MACROD2: variants seen among roughly 807,000 people sequenced by gnomAD.
The protein encoded by MACROD2 is mono-ADP ribosylhydrolase 2, also known as ADP-ribose glycohydrolase MACROD2.
In MACROD2, 36 loss-of-function variants were observed where a neutral mutation model predicts 70.4. The observed-to-expected ratio is 0.51, with a 90% confidence interval of 0.39 to 0.68. The LOEUF (loss-of-function observed/expected upper bound fraction) is 0.68, where lower values mean the gene tolerates loss of function less well. Ranked by LOEUF, MACROD2 falls within the 30% of genes least tolerant of loss-of-function variation. MACROD2 has a pLI of 0.00. For synonymous variants in MACROD2, 172 were observed against 178.8 expected, an observed-to-expected ratio of 0.96 and a Z score of 0.30; for missense variants, 496 against 538.4, an observed-to-expected ratio of 0.92 and a Z score of 0.78.
intron 8 of MACROD2, among the ~76,000 whole-genome samples, chr20:15,622,526 G>C (rs2049142498): frequency 6.6e-6 from 1 of 152,078 alleles, no homozygotes; most frequent in South Asian, 2.1e-4. Flanking sequence ...TGACTAACAG[G>C]GCTGGTAGCG....
At chr20:15,870,616 C>T (rs996666171) in intron 9 of MACROD2, among the ~76,000 whole-genome samples, 2 of 152,064 alleles carry the variant, frequency 1.3e-5, no homozygotes, top group Non-Finnish European at 2.9e-5. Flanking sequence ...TGATGTCTTC[C>T]ACCATGTGAT....
intron 8 of MACROD2, among the ~76,000 whole-genome samples, chr20:15,730,428 G>T (rs1247205748): frequency 6.6e-6 from 1 of 152,122 alleles, no homozygotes; most frequent in Non-Finnish European, 1.5e-5. Flanking sequence ...TGTCTGAAAA[G>T]AATCTTACTT....
chr20:15,574,755 G>C (rs774682055), intron 8 of MACROD2, among the ~76,000 whole-genome samples: 1 of 152,150 alleles, frequency 6.6e-6, no homozygotes, highest in Non-Finnish European at 1.5e-5. Flanking sequence ...TCCATTCTCA[G>C]TATGCTTGAA....
chr20:14,915,834 C>T (rs912752125), intron 5 of MACROD2, among the ~76,000 whole-genome samples: 3 of 152,214 alleles, frequency 2.0e-5, no homozygotes, highest in Middle Eastern at 3.4e-3. Flanking sequence ...AAGGTAGCTG[C>T]GAGTCATCAT....
intron 8 of MACROD2, among the ~76,000 whole-genome samples, chr20:15,611,831 G>C (rs2048974483): frequency 6.8e-6 from 1 of 148,042 alleles, no homozygotes; most frequent in African/African-American, 2.5e-5. Flanking sequence ...TGTCTATAAG[G>C]CTCCGAGCAA....
intron 6 of MACROD2, among the ~76,000 whole-genome samples, chr20:15,281,123 C>T (rs1600190924): frequency 6.6e-6 from 1 of 152,186 alleles, no homozygotes; most frequent in Admixed American, 6.5e-5. Flanking sequence ...ATCACAAGAA[C>T]AGTGTGGGGG....
At chr20:15,704,694 A>G (rs1484015900) in intron 8 of MACROD2, among the ~76,000 whole-genome samples, 1 of 152,230 alleles carries the variant, frequency 6.6e-6, no homozygotes, top group East Asian at 1.9e-4. Flanking sequence ...TTGAGTAGCA[A>G]GGTGCTAGAA....
At chr20:13,998,355 C>T (rs997904738) in intron 1 of MACROD2, among the ~76,000 whole-genome samples, 4 of 151,824 alleles carry the variant, frequency 2.6e-5, no homozygotes, top group Admixed American at 2.0e-4. Flanking sequence ...AAATTGATCT[C>T]GTTTTTAAGT....
At chr20:15,421,589 G>A (rs2046229181) in intron 6 of MACROD2, among the ~76,000 whole-genome samples, 2 of 152,044 alleles carry the variant, frequency 1.3e-5, no homozygotes, top group Admixed American at 6.5e-5. Context: ...ATGAAAAAAG[G>A]CAAGTTCCAG....
At chr20:15,419,381 G>C (rs1159077785) in intron 6 of MACROD2, among the ~76,000 whole-genome samples, 10 of 152,300 alleles carry the variant, frequency 6.6e-5, no homozygotes, top group South Asian at 4.1e-4. Flanking sequence ...GGCAGTTGCT[G>C]TGAGGGGGGC....
intron 4 of MACROD2, among the ~76,000 whole-genome samples, chr20:14,512,154 G>A (rs17812713): frequency 0.15 from 23,149 of 152,050 alleles, 2,519 homozygotes; most frequent in Non-Finnish European, 0.22. Flanking sequence ...ATTAACTAGA[G>A]CAAATAGGCA....
At chr20:15,149,010 T>C (rs1630658) in intron 5 of MACROD2, among the ~76,000 whole-genome samples, 89,261 of 151,746 alleles carry the variant, frequency 0.59, 26,494 homozygotes, top group East Asian at 0.65. Flanking sequence ...GAAGAAGTGA[T>C]TGCAGTGGCC....
chr20:14,204,819 G>A (rs2081509682), intron 3 of MACROD2, among the ~76,000 whole-genome samples: 1 of 152,084 alleles, frequency 6.6e-6, no homozygotes, highest in African/African-American at 2.4e-5. Context: ...TGTGTAGGAG[G>A]CAAGTGCCTG....
chr20:14,955,193 TA>T (rs945944797), intron 5 of MACROD2, among the ~76,000 whole-genome samples: 8 of 133,378 alleles, frequency 6.0e-5, no homozygotes, highest in African/African-American at 2.3e-4. Flanking sequence ...ATAATTTATA[TA>T]ATATATCATT....
intron 5 of MACROD2, among the ~76,000 whole-genome samples, chr20:14,859,474 A>G (rs1416614431): frequency 6.6e-6 from 1 of 152,126 alleles, no homozygotes; most frequent in Non-Finnish European, 1.5e-5. Context: ...AAGAGTTACT[A>G]TGATCATGCT....
rs577110748 is a variant in MACROD2, at chr20:15,357,242, A to T, written c.541-74163A>T. 1.6e-4 allele frequency among the ~76,000 whole-genome samples: 24 copies of T among 152,366 alleles called. No homozygotes were observed. The South Asian group carries it at 4.3e-3, about 28-fold the overall frequency. On this transcript the variant is annotated intron_variant, in intron 6 of 17. Coordinates refer to ENST00000684519, the MANE Select transcript of MACROD2 (RefSeq NM_001351661.2). ...ATATGTGACTTGTGACTAAGTGAGA[A>T]AGATTATACTATATGATGCTATCCT...
chr20:15,238,004 T>C (rs1022045861), intron 6 of MACROD2, among the ~76,000 whole-genome samples: 15 of 152,202 alleles, frequency 9.9e-5, no homozygotes, highest in African/African-American at 1.4e-4. Flanking sequence ...CACTGATGCC[T>C]GTTTCATGTG....
intron 2 of MACROD2, among the ~76,000 whole-genome samples, chr20:14,045,206 T>C (rs1244581469): frequency 6.6e-6 from 1 of 152,246 alleles, no homozygotes; most frequent in Non-Finnish European, 1.5e-5. Flanking sequence ...GGCTCCGGCC[T>C]TGGCCAGCCC....
intron 2 of MACROD2, among the ~76,000 whole-genome samples, chr20:14,039,438 T>C (rs1293899393): frequency 6.6e-6 from 1 of 152,154 alleles, no homozygotes; most frequent in African/African-American, 2.4e-5. Context: ...TCTTATGTTT[T>C]ATTTTTTTCT....
Sources: allele counts gnomAD v4.1 joint callset (sites outside exome capture counted in the v4.1 genomes callset), GRCh38; gene constraint gnomAD v4.1.1; transcripts MANE v1.5; gene names NCBI Gene and HGNC (gene_info 2026-07-23, HGNC 2026-07-21).